Variants in IMPG2 observed in about 807,000 individuals in gnomAD.
The protein encoded by IMPG2 is IPM 200.
Under a neutral mutation model 129.2 loss-of-function variants are expected in IMPG2, and 91 were observed. The observed-to-expected ratio is 0.70, with a 90% CI of 0.59 to 0.84. The LOEUF (loss-of-function observed/expected upper bound fraction) is 0.84, where lower values mean the gene tolerates loss of function less well. IMPG2 is among the 40% of genes least tolerant of loss of function. The pLI is 0.00. For missense variants in IMPG2, 1,430 were observed against 1,461.7 expected (o/e 0.98, Z 0.35); for synonymous variants, 510 against 517.7 (o/e 0.99, Z 0.20).
At chr3:101,262,434 AAT>A (rs1221208425) in intron 9 of IMPG2, among the ~76,000 whole-genome samples, 2 of 152,098 alleles carry the variant, frequency 1.3e-5, no homozygotes, top group Non-Finnish European at 2.9e-5. Flanking sequence ...CACAGCTCAG[AAT>A]ATAAGTACAC....
intron 2 of IMPG2, among the ~76,000 whole-genome samples, chr3:101,308,740 T>A (rs768954378): frequency 3.9e-5 from 6 of 152,278 alleles, no homozygotes; most frequent in Non-Finnish European, 8.8e-5. Flanking sequence ...TGCAACCAGC[T>A]TGAATTTCTT....
intron 4 of IMPG2, among the ~76,000 whole-genome samples, chr3:101,278,954 G>A (rs1706865505): frequency 6.6e-6 from 1 of 152,048 alleles, no homozygotes; most frequent in African/African-American, 2.4e-5. Flanking sequence ...ACAGAGGATG[G>A]AGCTGAAAAA....
intron 10 of IMPG2, among the ~76,000 whole-genome samples, chr3:101,256,217 G>GAAAGAAAGAAAGAACGAAC: frequency 7.2e-6 from 1 of 138,276 alleles, no homozygotes; most frequent in African/African-American, 2.7e-5. Context: ...AAGAAAGAAA[G>GAAAGAAAGAAAGAACGAAC]AAAAAAATAT....
chr3:101,302,909 A>ATC lies in IMPG2; in HGVS notation c.501+1235_501+1236dup, dbSNP rs1187186358. On this transcript the variant is annotated intron_variant, in intron 3 of 18. Coordinates refer to ENST00000193391, the MANE Select transcript of IMPG2 (RefSeq NM_016247.4). ...TTGGTCCACCCACGTTTATCAAACC[A>ATC]TCCTTCTCTCCCCAACGTCCCCCAT... is the stretch of plus-strand genomic sequence containing the variant. Among the ~76,000 whole-genome samples, 63 of 152,204 alleles carry ATC rather than the reference A, an allele frequency of 4.1e-4. 2 individuals are homozygous for ATC.
chr3:101,306,783 C>A (rs1410573313), intron 2 of IMPG2, among the ~76,000 whole-genome samples: 1 of 151,908 alleles, frequency 6.6e-6, no homozygotes. Context: ...TATGAAGTTT[C>A]TAAAATAAAA....
chr3:101,272,254 T>C (rs1179388227), intron 7 of IMPG2, among the ~76,000 whole-genome samples: 2 of 152,152 alleles, frequency 1.3e-5, no homozygotes, highest in Non-Finnish European at 2.9e-5. Context: ...GATGGTGTCC[T>C]AAGGGGAGGG....
Position 101,226,262 on chromosome 3 carries a change from T to C in IMPG2, c.*707A>G, listed in dbSNP as rs1193757925. The C allele has an allele frequency of 6.7e-5, 2 of 29,754 alleles. No homozygotes were observed. The highest frequency in any genetic ancestry group is 9.7e-5 in the African/African-American group (1 of 10,268). The allele number at this position is 29,754 out of a possible 1,614,324, so 1.8% of individuals were successfully genotyped here. A position where few individuals can be genotyped will look rare whatever the true frequency, so the allele number is the denominator to read the frequency against. On this transcript the variant is annotated 3_prime_UTR_variant, in exon 19 of 19. Coordinates refer to ENST00000193391, the MANE Select transcript of IMPG2 (RefSeq NM_016247.4). Reference sequence around the variant, plus strand: ...ATATATATATATATATATATATATATATATATATATATATATATGCATTCA... The same window carrying C: ...ATATATATATATATATATATATATACATATATATATATATATATGCATTCA...
Position 101,291,608 on chromosome 3 carries a change from T to C in IMPG2, c.502-98A>G, listed in dbSNP as rs576518942. On this transcript the variant is annotated intron_variant, in intron 3 of 18. Coordinates refer to ENST00000193391, the MANE Select transcript of IMPG2 (RefSeq NM_016247.4). ...AGAGACCACTACTGCCCTACCATGG[T>C]AGAATCTATGTTAGTACTCTCTATG... is the stretch of plus-strand genomic sequence containing the variant. 250 of 831,694 alleles carry C rather than the reference T, an allele frequency of 3.0e-4. 1 individual carries two copies. In the South Asian group the frequency reaches 3.4e-3, roughly 11 times the overall value. 51.5% of individuals were successfully genotyped at this position (831,694 alleles called of 1,614,324 possible).
intron 2 of IMPG2, among the ~76,000 whole-genome samples, chr3:101,310,588 AAGAT>A (rs1382349000): frequency 4.7e-5 from 5 of 106,908 alleles, no homozygotes; most frequent in African/African-American, 1.6e-4. Flanking sequence ...AAAAAAAAAA[AAGAT>A]GGTTACAGAG....
chr3:101,295,416 T>C (rs932274814), intron 3 of IMPG2, among the ~76,000 whole-genome samples: 1 of 152,240 alleles, frequency 6.6e-6, no homozygotes, highest in Non-Finnish European at 1.5e-5. Context: ...CTGAGGTCTC[T>C]GTTCTGTTCC....
At chr3:101,240,271 C>T (rs545748055) in intron 14 of IMPG2, among the ~76,000 whole-genome samples, 92 of 152,196 alleles carry the variant, frequency 6.0e-4, no homozygotes, top group Non-Finnish European at 1.2e-3. Context: ...GCATATGCCA[C>T]AGTGCCCAGC....
chr3:101,256,116 AAAAG>A lies in IMPG2; in HGVS notation c.1153+1409_1153+1412del, dbSNP rs1421329493. 1.3e-3 allele frequency among the ~76,000 whole-genome samples: 191 copies of A among 147,390 alleles called. 1 individual carries two copies. The highest frequency in any genetic ancestry group is 4.6e-3 in the African/African-American group (184 of 39,954). On this transcript the variant is annotated intron_variant, in intron 10 of 18. Coordinates refer to ENST00000193391, the MANE Select transcript of IMPG2 (RefSeq NM_016247.4). ...AAAGAAGGAAAGAAAGAAAGAAAGAAAAAGAAAGAGAGAAAGAAAGAAAGAAAGA... is the reference window on the plus strand; with the variant it reads ...AAAGAAGGAAAGAAAGAAAGAAAGAAAAAGAGAGAAAGAAAGAAAGAAAGA...
At chr3:101,243,072 T>C (rs1413557435) in intron 13 of IMPG2, among the ~76,000 whole-genome samples, 165 bp from the exon 14 acceptor site, 2 of 152,232 alleles carry the variant, frequency 1.3e-5, no homozygotes, top group African/African-American at 4.8e-5. Flanking sequence ...AAATTAGGAA[T>C]GATTTGACAG....
intron 1 of IMPG2, 24 bp downstream of exon 1, chr3:101,320,264 A>C (rs570982031): frequency 7.4e-7 from 1 of 1,347,642 alleles, no homozygotes; most frequent in Non-Finnish European, 1.1e-6. Flanking sequence ...GGAAAGATAA[A>C]AACAAATGTA....
chr3:101,244,730 C>A lies in IMPG2; in HGVS notation c.1601G>T (p.Ser534Ile). The A allele has an allele frequency of 1.9e-6, 3 of 1,614,054 alleles. No individual in the cohort carries two copies. The highest frequency in any genetic ancestry group is 3.3e-5 in the Admixed American group (2 of 60,012). ...TTTTGGCACAGGTTGAGTGAATGAACTTGAAGGCAATGAATCAATAGAAAG... is the reference window on the plus strand; with the variant it reads ...TTTTGGCACAGGTTGAGTGAATGAAATTGAAGGCAATGAATCAATAGAAAG... The part of the protein sequence containing the change: ...DFLSIDSLPS[S>I]SFTQPVPKET... The change falls in exon 13 of 19, where the codon AGT (serine) becomes ATT (isoleucine). Residue 534 changes from serine to isoleucine, a missense_variant. Physicochemically the swap from Ser to Ile is moderately radical, Grantham distance 142. Transcript: ENST00000193391.
chr3:101,287,385 A>C (rs1309247807), intron 4 of IMPG2, among the ~76,000 whole-genome samples: 3 of 152,218 alleles, frequency 2.0e-5, no homozygotes, highest in Non-Finnish European at 4.4e-5. Context: ...AATTAGAAAA[A>C]GCTACTTTAA....
At chr3:101,297,303 T>C (rs1707090570) in intron 3 of IMPG2, among the ~76,000 whole-genome samples, 1 of 152,196 alleles carries the variant, frequency 6.6e-6, no homozygotes, top group Non-Finnish European at 1.5e-5. Context: ...TTTATTAGGA[T>C]AGCTAGCAGT....
At chr3:101,229,340 G>A in intron 17 of IMPG2, 40 bp downstream of exon 17, 1 of 678,856 alleles carries the variant, frequency 1.5e-6, no homozygotes. Flanking sequence ...ACACACACCA[G>A]CAGTAGCTGC....
Position 101,276,852 on chromosome 3 carries a change from G to GT in IMPG2, c.534-140dup, listed in dbSNP as rs1706845003. ...CCAAGCAAAAGTACCAAAAAGCAAA[G>GT]TTTTTTAAAATTAAAACTTCATAAT... On this transcript the variant is annotated intron_variant, in intron 4 of 18. Coordinates refer to ENST00000193391, the MANE Select transcript of IMPG2 (RefSeq NM_016247.4). The GT allele has an allele frequency of 1.2e-5, 8 of 649,314 alleles. No homozygotes were observed. The Admixed American group carries it at 2.3e-4, about 18-fold the overall frequency. 40.2% of individuals were successfully genotyped at this position (649,314 alleles called of 1,614,324 possible).
Sources: gnomAD v4.1 joint callset for allele counts (sites outside exome capture counted in the v4.1 genomes callset) on GRCh38, gnomAD v4.1.1 for gene constraint, MANE v1.5 for transcripts, NCBI Gene and HGNC (gene_info 2026-07-23, HGNC 2026-07-21) for gene names.